The following SYNJ1 variants were observed in gnomAD, a reference collection of about 807,000 sequenced individuals.
SYNJ1 encodes polyphosphatidylinositol phosphatase SYNJ1.
Under a neutral mutation model 168.2 loss-of-function variants are expected in SYNJ1, and 78 were observed. That is an observed-to-expected ratio of 0.46 (90% CI 0.39 to 0.56). The LOEUF (loss-of-function observed/expected upper bound fraction) is 0.56. Ranked by LOEUF, SYNJ1 falls within the 20% of genes least tolerant of loss-of-function variation. SYNJ1 has a pLI of 0.00. For missense variants in SYNJ1, 1,303 were observed against 1,597.6 expected, an observed-to-expected ratio of 0.82 and a Z score of 3.14; for synonymous variants, 539 against 548.6, an observed-to-expected ratio of 0.98 and a Z score of 0.24.
intron 18 of SYNJ1, among the ~76,000 whole-genome samples, chr21:32,659,170 A>T (rs2040580964): frequency 6.6e-6 from 1 of 152,010 alleles, no homozygotes; most frequent in South Asian, 2.1e-4. Context: ...CAAAAGTCAG[A>T]TGACATAGAA....
At chr21:32,639,543 C>G in intron 30 of SYNJ1, 128 bp downstream of exon 30, 2 of 708,610 alleles carry the variant, frequency 2.8e-6, no homozygotes, top group Non-Finnish European at 4.7e-6. Flanking sequence ...AGGCATGTGC[C>G]ATCACCCCTG....
chr21:32,657,236 C>T, intron 19 of SYNJ1, 116 bp from the exon 20 acceptor site: 1 of 695,930 alleles, frequency 1.4e-6, no homozygotes, highest in Non-Finnish European at 2.4e-6. Context: ...GCTGGAATGC[C>T]AGAAACACTT....
chr21:32,670,805 A>G, intron 14 of SYNJ1: 1 of 985,186 alleles, frequency 1.0e-6, no homozygotes, highest in Non-Finnish European at 1.2e-6. Flanking sequence ...TTCATATTTG[A>G]AAAACATAAT....
chr21:32,655,454 C>G (rs1029228472), intron 21 of SYNJ1, among the ~76,000 whole-genome samples: 10 of 152,298 alleles, frequency 6.6e-5, no homozygotes, highest in African/African-American at 2.2e-4. Flanking sequence ...TGAGGAAAGT[C>G]TAAACACAAT....
chr21:32,638,844 G>T, intron 31 of SYNJ1, 64 bp downstream of exon 31: 1 of 1,420,224 alleles, frequency 7.0e-7, no homozygotes, highest in South Asian at 1.6e-5. Context: ...AATTAAAATA[G>T]GTATGTTCAA....
chr21:32,652,448 G>C (rs1229717840), intron 22 of SYNJ1, among the ~76,000 whole-genome samples: 1 of 152,182 alleles, frequency 6.6e-6, no homozygotes, highest in Non-Finnish European at 1.5e-5. Flanking sequence ...TGATCCACCT[G>C]TCTCGGCCTC....
chr21:32,710,576 G>A (rs1472542321), intron 2 of SYNJ1, among the ~76,000 whole-genome samples: 1 of 151,836 alleles, frequency 6.6e-6, no homozygotes, highest in East Asian at 1.9e-4. Flanking sequence ...CCAAGCCTGA[G>A]TGCAGTGGCA....
intron 2 of SYNJ1, among the ~76,000 whole-genome samples, chr21:32,706,588 T>A (rs1434149491): frequency 1.3e-5 from 2 of 151,934 alleles, no homozygotes; most frequent in Admixed American, 1.3e-4. Flanking sequence ...AAAATTAAAA[T>A]TTTTTCAATG....
At chr21:32,674,013 G>C (rs2041307192) in intron 13 of SYNJ1, among the ~76,000 whole-genome samples, 1 of 152,196 alleles carries the variant, frequency 6.6e-6, no homozygotes, top group Non-Finnish European at 1.5e-5. Context: ...CAGGCAGCTT[G>C]ATGAATAATG....
intron 2 of SYNJ1, among the ~76,000 whole-genome samples, chr21:32,708,434 G>A (rs1253949851): frequency 2.6e-5 from 4 of 152,098 alleles, no homozygotes; most frequent in Admixed American, 6.6e-5. Flanking sequence ...TTAAACAAAC[G>A]AGATGCTAGG....
upstream of SYNJ1, chr21:32,728,223 C>T: frequency 1.5e-6 from 1 of 658,032 alleles, no homozygotes. Context: ...ATCCCACCGC[C>T]GGGGGTGCAG....
chr21:32,701,236 A>G (rs2042389023), intron 3 of SYNJ1, among the ~76,000 whole-genome samples: 2 of 152,178 alleles, frequency 1.3e-5, no homozygotes, highest in African/African-American at 2.4e-5. Flanking sequence ...GACCAGTGCT[A>G]CTCAAAGTAT....
At chr21:32,694,654 T>TTTA in intron 5 of SYNJ1, among the ~76,000 whole-genome samples, 1 of 152,226 alleles carries the variant, frequency 6.6e-6, no homozygotes, top group African/African-American at 2.4e-5. Flanking sequence ...ATGGCCTGAA[T>TTTA]TTATAATCAT....
chr21:32,723,973 G>A (rs2043348635), intron 2 of SYNJ1, among the ~76,000 whole-genome samples: 1 of 152,042 alleles, frequency 6.6e-6, no homozygotes, highest in Non-Finnish European at 1.5e-5. Context: ...ACCTCGGTGG[G>A]ACTGACAGGC....
intron 23 of SYNJ1, among the ~76,000 whole-genome samples, chr21:32,649,059 A>G (rs1297674451): frequency 6.6e-6 from 1 of 152,216 alleles, no homozygotes; most frequent in East Asian, 1.9e-4. Context: ...CCTCTGGGAA[A>G]GCTTGCCCAA....
chr21:32,644,214 A>G (rs1035743734), intron 26 of SYNJ1, among the ~76,000 whole-genome samples: 6 of 152,260 alleles, frequency 3.9e-5, no homozygotes, highest in Non-Finnish European at 7.3e-5. Context: ...CTGTAGGTCA[A>G]TGGAGAAATG....
chr21:32,631,433 T>C lies in SYNJ1; in HGVS notation c.*372A>G. 2 of 1,614,156 alleles carry C rather than the reference T, an allele frequency of 1.2e-6. No individual in the cohort carries two copies. The highest frequency in any genetic ancestry group is 1.1e-5 in the South Asian group (1 of 91,086). ...TAACGGGCTCTTCTTTGGAGAACCA[T>C]GAAGTTGCCTCTGATTCTTCAGACT... On this transcript the variant is annotated 3_prime_UTR_variant, in exon 33 of 33. Coordinates refer to ENST00000674351, the MANE Select transcript of SYNJ1 (RefSeq NM_203446.3).
At chr21:32,676,133 T>C (rs1411637643) in intron 13 of SYNJ1, among the ~76,000 whole-genome samples, 199 bp downstream of exon 13, 1 of 152,226 alleles carries the variant, frequency 6.6e-6, no homozygotes, top group Non-Finnish European at 1.5e-5. Context: ...CTGCACATTT[T>C]CTTCAGAATG....
At chr21:32,665,516 G>C (rs546240689) in intron 17 of SYNJ1, among the ~76,000 whole-genome samples, 2 of 152,336 alleles carry the variant, frequency 1.3e-5, no homozygotes, top group East Asian at 3.9e-4. Flanking sequence ...GTGGAAGGCT[G>C]ATCTAGGACT....
Sources: allele counts gnomAD v4.1 joint callset (sites outside exome capture counted in the v4.1 genomes callset), GRCh38; gene constraint gnomAD v4.1.1; transcripts MANE v1.5; gene names NCBI Gene and HGNC (gene_info 2026-07-23, HGNC 2026-07-21).